ARHGAP30: variants seen among roughly 807,000 people sequenced by gnomAD.
ARHGAP30 encodes Rho GTPase activating protein 30.
In ARHGAP30, 23 loss-of-function variants were observed where a neutral mutation model predicts 72.0. The ratio of observed to expected loss-of-function variants is 0.32; its 90% CI spans 0.23 to 0.45. ARHGAP30 has a LOEUF of 0.45. Ranked by LOEUF, ARHGAP30 falls within the 20% of genes least tolerant of loss-of-function variation. The probability of loss-of-function intolerance (pLI) is 1.00; values close to 1 mark genes in which losing one functional copy is unlikely to be tolerated. For missense variants in ARHGAP30, 1,319 were observed against 1,383.4 expected, an observed-to-expected ratio of 0.95 and a Z score of 0.74; for synonymous variants, 576 against 528.2, an observed-to-expected ratio of 1.09 and a Z score of -1.24.
intron 1 of ARHGAP30, among the ~76,000 whole-genome samples, chr1:161,062,020 G>A (rs186046177): frequency 6.4e-4 from 97 of 152,162 alleles, no homozygotes; most frequent in African/African-American, 2.2e-3. Flanking sequence ...CCCGGGAGGT[G>A]GAGGTTGCAA....
chr1:161,060,190 A>G (rs1652209801), intron 1 of ARHGAP30: 3 of 451,924 alleles, frequency 6.6e-6, no homozygotes, highest in Non-Finnish European at 1.3e-5. Context: ...CTGATATGGG[A>G]GGATCACCTG....
intron 1 of ARHGAP30, among the ~76,000 whole-genome samples, chr1:161,064,595 C>CA (rs1351695105): frequency 6.6e-6 from 1 of 151,500 alleles, no homozygotes; most frequent in Non-Finnish European, 1.5e-5. Flanking sequence ...CTCATCTCTA[C>CA]AAAAAACAAA....
Position 161,051,659 on chromosome 1 carries a change from T to C in ARHGAP30, c.1075A>G (p.Ser359Gly). Residue 359 changes from serine (S) to glycine (G), a missense_variant, in exon 10 of 12, where the codon AGC becomes GGC. This residue lies in a region of ARHGAP30 where 1,097 missense variants were observed against 1,045.2 expected (regional missense o/e 1.05). Transcript: ENST00000368013. ...SPRPSPLLPE[S>G]LENDSIEAAE... ...GCCTCTATAGAATCGTTCTCCAAGC[T>C]CTCAGGCAGCAATGGGCTTGGCCGG... 6 of 1,612,704 alleles carry C rather than the reference T, an allele frequency of 3.7e-6. No individual in the cohort carries two copies. Among genetic ancestry groups the C allele is most frequent in the Non-Finnish European group, 5.1e-6 (6 of 1,179,962 alleles).
rs182111167 is a variant in ARHGAP30, at chr1:161,048,464, C to G, written c.2557G>C (p.Gly853Arg). Residue 853 changes from glycine (G) to arginine (R), a missense_variant, in exon 12 of 12, where the codon GGG (glycine) becomes CGG (arginine). This residue lies in a region of ARHGAP30 where 1,097 missense variants were observed against 1,045.2 expected (regional missense o/e 1.05). Coordinates refer to ENST00000368013, the MANE Select transcript of ARHGAP30 (RefSeq NM_001025598.2). The stretch of plus-strand genomic sequence containing the variant: ...AGGGTGTCCTCTTCTAAATAGTACC[C>G]TCCAGCCCTCTGGTCTCCCTCAGCC... ...GEAEGDQRAG[G>R]YYLEEDTLSE... is the part of the protein sequence containing the mutation. The G allele has an allele frequency of 1.9e-6, 3 of 1,614,152 alleles. No homozygotes were observed. Among genetic ancestry groups the G allele is most frequent in the African/African-American group, 2.7e-5 (2 of 75,018 alleles).
Position 161,069,526 on chromosome 1 carries a change from A to G in ARHGAP30, c.97+2T>C. 1.2e-6 allele frequency: 2 copies of G among 1,608,674 alleles called. No homozygotes were observed. Among genetic ancestry groups the G allele is most frequent in the Non-Finnish European group, 1.7e-6 (2 of 1,179,460 alleles). On this transcript the variant is annotated splice_donor_variant, in intron 1 of 11. Coordinates refer to ENST00000368013, the MANE Select transcript of ARHGAP30 (RefSeq NM_001025598.2). LOFTEE classifies it high-confidence loss of function. This position sits in a 1 kb window ranked among gnomAD's most constrained non-coding sequence, Gnocchi z 4.9. ...CTGCAGAAGCTGAGCCGGCCTCCTT[A>G]CCCTCCTGGCCTGAGTGCTGCAGGT...
intron 3 of ARHGAP30, 99 bp downstream of exon 3, chr1:161,056,289 A>T (rs7516231): frequency 0.16 from 231,752 of 1,455,340 alleles, 25,730 homozygotes; most frequent in African/African-American, 0.51. Context: ...GTCATTCAGG[A>T]TCGCTAGGAC....
rs1402292967 is a variant in ARHGAP30, at chr1:161,052,806, AGAAAAG to A, written c.665-15_665-10del. The A allele has an allele frequency of 1.2e-6, 2 of 1,609,424 alleles. No individual in the cohort carries two copies. The highest frequency in any genetic ancestry group is 1.7e-6 in the Non-Finnish European group (2 of 1,178,650). On this transcript the variant is annotated splice_polypyrimidine_tract_variant and intron_variant, in intron 6 of 11. Transcript: ENST00000368013. The stretch of plus-strand genomic sequence containing the variant: ...ACTCTCCACCTCACCACCTGGGAAA[AGAAAAG>A]GAATTGGCCAGCCAGGAACAGAGCC...
chr1:161,053,198 C>T, intron 6 of ARHGAP30, 60 bp downstream of exon 6: 1 of 1,601,702 alleles, frequency 6.2e-7, no homozygotes, highest in Non-Finnish European at 8.5e-7. Flanking sequence ...CTTCAAGGCT[C>T]TCTGTAACTA....
At chr1:161,066,764 C>T (rs927434559) in intron 1 of ARHGAP30, among the ~76,000 whole-genome samples, 8 of 151,274 alleles carry the variant, frequency 5.3e-5, no homozygotes, top group African/African-American at 1.9e-4. Flanking sequence ...AGTCTCAGTC[C>T]TACAGTTCAC....
intron 1 of ARHGAP30, among the ~76,000 whole-genome samples, chr1:161,064,819 GAA>G (rs1437768324): frequency 6.6e-5 from 4 of 60,600 alleles, no homozygotes; most frequent in South Asian, 4.3e-4. Flanking sequence ...AAGAAAGAAA[GAA>G]AGAAAGAAAG....
chr1:161,056,647 A>C lies in ARHGAP30; in HGVS notation c.201-115T>G, dbSNP rs910353795. ...GTGGGTCAACATGTGTTGGACTTGG[A>C]AGGAGAATGTTGGGACACGTACACA... is the stretch of plus-strand genomic sequence containing the variant. On this transcript the variant is annotated intron_variant, in intron 2 of 11. Coordinates refer to ENST00000368013, the MANE Select transcript of ARHGAP30 (RefSeq NM_001025598.2). The C allele has an allele frequency of 6.7e-6, 8 of 1,196,638 alleles. No individual in the cohort carries two copies. In the Admixed American group the frequency reaches 1.3e-4, roughly 19 times the overall value. The allele number at this position is 1,196,638 out of a possible 1,614,324, so 74.1% of individuals were successfully genotyped here.
rs541711161 is a variant in ARHGAP30 at position 161,051,015 on chromosome 1, T to A, written c.1420+299A>T. On this transcript the variant is annotated intron_variant, in intron 10 of 11. Coordinates refer to ENST00000368013, the MANE Select transcript of ARHGAP30 (RefSeq NM_001025598.2). ...CTATTATTGTTACCCATCCATCTAT[T>A]ATATATTCCCACATTTGTCCTTAGT... Among the ~76,000 whole-genome samples, 64 of 152,366 alleles carry A rather than the reference T, an allele frequency of 4.2e-4. 1 individual carries two copies. The South Asian group carries it at 0.013, about 31-fold the overall frequency.
Position 161,056,514 on chromosome 1 carries a change from C to G in ARHGAP30, c.219G>C (p.Glu73Asp). 1.2e-6 allele frequency: 2 copies of G among 1,613,666 alleles called. No individual in the cohort carries two copies. The highest frequency in any genetic ancestry group is 1.7e-6 in the Non-Finnish European group (2 of 1,179,962). The change falls in exon 3 of 12, where the codon GAG becomes GAC. Residue 73 changes from glutamate to aspartate, a missense_variant. Glu to Asp is a conservative substitution (Grantham distance 45). This residue lies in a region of ARHGAP30 where 222 missense variants were observed against 338.2 expected (regional missense o/e 0.66). Coordinates refer to ENST00000368013, the MANE Select transcript of ARHGAP30 (RefSeq NM_001025598.2). The part of the protein sequence containing the change: ...IQKLRQEFES[E>D]RKPDLRRDVY... Reference sequence around the variant, plus strand: ...CATCCCGACGCAGGTCTGGCTTCCGCTCTGACTCAAATTCCTGCCTGGGGA... The same window carrying G: ...CATCCCGACGCAGGTCTGGCTTCCGGTCTGACTCAAATTCCTGCCTGGGGA...
Position 161,048,630 on chromosome 1 carries a change from A to G in ARHGAP30, c.2391T>C (p.Asp797=). ...QKQEAEGVRE[D]EDKGQREKGY... is the part of the protein sequence containing the mutation. ...CCTTCTCCCTCTGTCCTTTGTCCTCATCCTCTCTGACTCCCTCAGCCTCTT... is the reference window on the plus strand; with the variant it reads ...CCTTCTCCCTCTGTCCTTTGTCCTCGTCCTCTCTGACTCCCTCAGCCTCTT... Residue 797 remains aspartate (D), a synonymous_variant, in exon 12 of 12, where the codon GAT becomes GAC. Coordinates refer to ENST00000368013, the MANE Select transcript of ARHGAP30 (RefSeq NM_001025598.2). 1 of 1,613,016 alleles carries G rather than the reference A, an allele frequency of 6.2e-7. No homozygotes were observed.
chr1:161,048,104 C>T lies in ARHGAP30; in HGVS notation c.2917G>A (p.Gly973Arg), dbSNP rs1345807830. ...NPCPRPGRLD[G>R]TPGERAWGSR... is the part of the protein sequence containing the mutation. ...CCCCAAGCCCTTTCTCCAGGAGTCC[C>T]ATCAAGCCGGCCAGGCCTCGGGCAT... Residue 973 changes from glycine to arginine, a missense_variant, in exon 12 of 12, where the codon GGG becomes AGG. This residue lies in a region of ARHGAP30 where 1,097 missense variants were observed against 1,045.2 expected (regional missense o/e 1.05). Coordinates refer to ENST00000368013, the MANE Select transcript of ARHGAP30 (RefSeq NM_001025598.2). The T allele has an allele frequency of 6.2e-7, 1 of 1,614,176 alleles. No individual in the cohort carries two copies. The highest frequency in any genetic ancestry group is 8.5e-7 in the Non-Finnish European group (1 of 1,180,024).
At chr1:161,068,620 T>A (rs1652933433) in intron 1 of ARHGAP30, among the ~76,000 whole-genome samples, 1 of 152,094 alleles carries the variant, frequency 6.6e-6, no homozygotes, top group African/African-American at 2.4e-5. Flanking sequence ...GAGCTTGAAG[T>A]GCCAAAAACA....
In ARHGAP30 at chr1:161,053,634, C is replaced by G. The variant is rs1408441732; in HGVS notation, c.537-249G>C. Reference sequence around the variant, plus strand: ...CCGCCTCAGGATTAATCTCTATTTCCTTTGCACACCAGGGTGTCTAGTTTA... The same window carrying G: ...CCGCCTCAGGATTAATCTCTATTTCGTTTGCACACCAGGGTGTCTAGTTTA... On this transcript the variant is annotated intron_variant, in intron 5 of 11. Transcript: ENST00000368013. Among the ~76,000 whole-genome samples the G allele has an allele frequency of 3.9e-5, 6 of 152,254 alleles. No homozygotes were observed. In the East Asian group the frequency reaches 1.2e-3, roughly 29 times the overall value.
chr1:161,054,006 TG>T (rs1315781307), intron 5 of ARHGAP30, among the ~76,000 whole-genome samples: 2 of 152,158 alleles, frequency 1.3e-5, no homozygotes, highest in African/African-American at 4.8e-5. Flanking sequence ...AAGCGGAGTT[TG>T]CAGTGAGTTG....
At position 161,047,824 on chromosome 1, in the gene ARHGAP30, A is replaced by C; in HGVS notation, c.3197T>G (p.Leu1066Arg). 1 of 1,610,174 alleles carries C rather than the reference A, an allele frequency of 6.2e-7. No individual in the cohort carries two copies. The highest frequency in any genetic ancestry group is 1.1e-5 in the South Asian group (1 of 90,524). The change falls in exon 12 of 12, where the codon CTT becomes CGT. Residue 1066 changes from leucine to arginine, a missense_variant. By Grantham distance (102) the Leu-to-Arg change is moderately radical. This residue lies in a region of ARHGAP30 where 1,097 missense variants were observed against 1,045.2 expected (regional missense o/e 1.05). Transcript: ENST00000368013. ...CTGGGGTTCTCTGGGGGGCAGACTAAGACGACTCCGGGATCCAGACCCTTC... is the reference window on the plus strand; with the variant it reads ...CTGGGGTTCTCTGGGGGGCAGACTACGACGACTCCGGGATCCAGACCCTTC... Reference protein sequence around the residue: ...GAEGSGSRSRLSLPPREPQVP... With the variant: ...GAEGSGSRSRRSLPPREPQVP...
Sources: allele counts gnomAD v4.1 joint callset (sites outside exome capture counted in the v4.1 genomes callset), GRCh38; gene constraint gnomAD v4.1.1; regional missense constraint gnomAD v4.1.1; non-coding constraint Gnocchi (gnomAD v3.1); transcripts MANE v1.5; gene names NCBI Gene and HGNC (gene_info 2026-07-23, HGNC 2026-07-21).